Variants in NUDCD2 observed in about 807,000 individuals in gnomAD.
NUDCD2 encodes the protein nudC domain-containing protein 2.
NUDCD2 carries 16 observed loss-of-function variants against 20.8 expected under a neutral mutation model. That is an observed-to-expected ratio of 0.77 (90% confidence interval 0.52 to 1.17). The LOEUF (loss-of-function observed/expected upper bound fraction) is 1.17, where lower values mean the gene tolerates loss of function less well. NUDCD2 is among the 50% of genes most tolerant of loss of function. NUDCD2 has a pLI of 0.00. For missense variants in NUDCD2, 199 were observed against 193.9 expected, an observed-to-expected ratio of 1.03 and a Z score of -0.16; for synonymous variants, 87 against 72.8, an observed-to-expected ratio of 1.20 and a Z score of -1.00.
chr5:163,458,438 A>G lies in NUDCD2; in HGVS notation c.190-828T>C, dbSNP rs555287470. Among the ~76,000 whole-genome samples, 7 of 152,262 alleles carry G rather than the reference A, an allele frequency of 4.6e-5. No individual in the cohort carries two copies. The South Asian group carries it at 1.0e-3, about 23-fold the overall frequency. On this transcript the variant is annotated intron_variant, in intron 1 of 3. Coordinates refer to ENST00000302764, the MANE Select transcript of NUDCD2 (RefSeq NM_145266.6). Reference sequence around the variant, plus strand: ...AAAAAAATAAACAAAATATAAATTTAAAAGAGACTGCACCAGGCCCAGTAG... The same window carrying G: ...AAAAAAATAAACAAAATATAAATTTGAAAGAGACTGCACCAGGCCCAGTAG...
chr5:163,456,600 G>T (rs1410870545), intron 3 of NUDCD2, among the ~76,000 whole-genome samples: 2 of 152,140 alleles, frequency 1.3e-5, no homozygotes, highest in African/African-American at 4.8e-5. Flanking sequence ...GGAATGGGGA[G>T]AATGGTGGTG....
rs1161156099 is a variant in NUDCD2, at chr5:163,453,871, T to G, written c.*96A>C. ...AAGATACATTTTGCAATCTGTTAAC[T>G]GTAGGCATCCGCATTTTTCTTCCAT... On this transcript the variant is annotated 3_prime_UTR_variant, in exon 4 of 4. Coordinates refer to ENST00000302764, the MANE Select transcript of NUDCD2 (RefSeq NM_145266.6). 7.2e-6 allele frequency: 4 copies of G among 559,238 alleles called. No homozygotes were observed. 34.6% of individuals were successfully genotyped at this position (559,238 alleles called of 1,614,324 possible).
chr5:163,458,420 TAAAC>T (rs2113430528), intron 1 of NUDCD2, among the ~76,000 whole-genome samples: 1 of 152,130 alleles, frequency 6.6e-6, no homozygotes, highest in East Asian at 1.9e-4. Context: ...TTTAAAAAAA[TAAAC>T]AAAATATAAA....
chr5:163,454,909 T>C (rs1291936802), intron 3 of NUDCD2, among the ~76,000 whole-genome samples: 1 of 152,164 alleles, frequency 6.6e-6, no homozygotes, highest in East Asian at 1.9e-4. Flanking sequence ...AGACAAACCA[T>C]AAATCAACCA....
rs993427954 is a variant in NUDCD2, at chr5:163,447,839, C to T, written c.*6128G>A. The T allele has an allele frequency of 5.3e-5, 8 of 152,160 alleles. No individual in the cohort carries two copies. The highest frequency in any genetic ancestry group is 1.2e-4 in the Non-Finnish European group (8 of 68,020). 9.4% of individuals were successfully genotyped at this position (152,160 alleles called of 1,614,324 possible). Reference sequence around the variant, plus strand: ...TTAAACAACACATTTCTAAATAACTCATGATACTACAGGGAAGTCTTAAAA... The same window carrying T: ...TTAAACAACACATTTCTAAATAACTTATGATACTACAGGGAAGTCTTAAAA... On this transcript the variant is annotated 3_prime_UTR_variant, in exon 4 of 4. Transcript: ENST00000302764.
rs1758134728 is a variant in NUDCD2, at chr5:163,449,872, C to T, written c.*4095G>A. 6.6e-6 allele frequency: 1 copy of T among 152,046 alleles called. No individual in the cohort carries two copies. Among genetic ancestry groups the T allele is most frequent in the African/African-American group, 2.4e-5 (1 of 41,384 alleles). The allele number at this position is 152,046 out of a possible 1,614,324, so 9.4% of individuals were successfully genotyped here. ...AACATCCATATGCAAAAAAATAAACCTACCTAAATTTCACAGCTTATACAA... is the reference window on the plus strand; with the variant it reads ...AACATCCATATGCAAAAAAATAAACTTACCTAAATTTCACAGCTTATACAA... On this transcript the variant is annotated 3_prime_UTR_variant, in exon 4 of 4. Transcript: ENST00000302764.
chr5:163,457,411 C>G (rs530662792), intron 2 of NUDCD2, 151 bp downstream of exon 2: 19 of 602,496 alleles, frequency 3.2e-5, no homozygotes, highest in Non-Finnish European at 4.2e-5. Flanking sequence ...TTTCTCCCCC[C>G]ACTAGGTAAC....
intron 3 of NUDCD2, 92 bp from the exon 4 acceptor site, chr5:163,454,142 G>T: frequency 1.8e-6 from 1 of 561,478 alleles, no homozygotes; most frequent in South Asian, 3.3e-5. Flanking sequence ...ATATATAAAT[G>T]ACCAATAAAT....
chr5:163,454,140 A>G (rs2113414036), intron 3 of NUDCD2, 90 bp from the exon 4 acceptor site: 1 of 571,876 alleles, frequency 1.7e-6, no homozygotes, highest in East Asian at 3.2e-5. Flanking sequence ...GGATATATAA[A>G]TGACCAATAA....
rs568103843 is a variant in NUDCD2, at chr5:163,450,278, A to G, written c.*3689T>C. 4.6e-5 allele frequency: 7 copies of G among 152,252 alleles called. No homozygotes were observed. The highest frequency in any genetic ancestry group is 1.4e-4 in the African/African-American group (6 of 41,548). 9.4% of individuals were successfully genotyped at this position (152,252 alleles called of 1,614,324 possible). A position where few individuals can be genotyped will look rare whatever the true frequency, so the allele number is the denominator to read the frequency against. On this transcript the variant is annotated 3_prime_UTR_variant, in exon 4 of 4. Transcript: ENST00000302764. The stretch of plus-strand genomic sequence containing the variant: ...TGTGAGTCAAAAAAAGAAAAAAGAA[A>G]AATTCCTCATGACCTGGGGTTAAGG...
At chr5:163,459,596 G>C (rs558079858) in intron 1 of NUDCD2, 2 of 298,510 alleles carry the variant, frequency 6.7e-6, no homozygotes, top group African/African-American at 4.4e-5. Context: ...TAGTTAATCT[G>C]TTCCCAGCTG....
In NUDCD2 at chr5:163,454,030, A is replaced by T; in HGVS notation, c.411T>A (p.Ser137Arg). The change falls in exon 4 of 4, where the codon AGT (serine) becomes AGA (arginine). Residue 137 changes from serine (S) to arginine (R), a missense_variant. Coordinates refer to ENST00000302764, the MANE Select transcript of NUDCD2 (RefSeq NM_145266.6). The stretch of plus-strand genomic sequence containing the variant: ...TGTAGTTTCCTGAGATTTCTGCTCC[A>T]CTGAAGTCAAAACCAGGATTCTAAA... ...FQKENPGFDF[S>R]GAEISGNYTK... 1 of 1,555,058 alleles carries T rather than the reference A, an allele frequency of 6.4e-7. No homozygotes were observed. The highest frequency in any genetic ancestry group is 8.7e-7 in the Non-Finnish European group (1 of 1,145,616).
chr5:163,452,075 T>C lies in NUDCD2; in HGVS notation c.*1892A>G, dbSNP rs1758192074. Reference sequence around the variant, plus strand: ...CCTTAAAAAAAAAAAACCCCACAAATAATCAAATAGGAATCAGGTTTCTCA... The same window carrying C: ...CCTTAAAAAAAAAAAACCCCACAAACAATCAAATAGGAATCAGGTTTCTCA... On this transcript the variant is annotated 3_prime_UTR_variant, in exon 4 of 4. Coordinates refer to ENST00000302764, the MANE Select transcript of NUDCD2 (RefSeq NM_145266.6). 6.7e-6 allele frequency: 1 copy of C among 149,866 alleles called. No individual in the cohort carries two copies. The highest frequency in any genetic ancestry group is 1.5e-5 in the Non-Finnish European group (1 of 67,442). The allele number at this position is 149,866 out of a possible 1,614,324, so 9.3% of individuals were successfully genotyped here.
rs765424670 is a variant in NUDCD2 at position 163,460,099 on chromosome 5, G to A, written c.-49C>T. The A allele has an allele frequency of 6.7e-7, 1 of 1,485,604 alleles. No homozygotes were observed. 92.0% of individuals were successfully genotyped at this position (1,485,604 alleles called of 1,614,324 possible). Reference sequence around the variant, plus strand: ...CCGCACCAGGCGGAGCCGAGCGCACGCGCGGAATCCCACGCTTAGGCTACG... The same window carrying A: ...CCGCACCAGGCGGAGCCGAGCGCACACGCGGAATCCCACGCTTAGGCTACG... On this transcript the variant is annotated 5_prime_UTR_variant, in exon 1 of 4. Transcript: ENST00000302764.
rs761636594 is a variant in NUDCD2 at position 163,457,568 on chromosome 5, T to TC, written c.231dup (p.Thr78AspfsTer30). On this transcript the variant is annotated frameshift_variant, in exon 2 of 4. Transcript: ENST00000302764. LOFTEE classifies it high-confidence loss of function. ...TTATAGTAATTACCCTTACCCAAAGTCCATGTTCCCTCATCAGCTATTGTA... is the reference window on the plus strand; with the variant it reads ...TTATAGTAATTACCCTTACCCAAAGTCCCATGTTCCCTCATCAGCTATTGTA... 4.5e-6 allele frequency: 7 copies of TC among 1,570,510 alleles called. No homozygotes were observed. The East Asian group carries it at 1.6e-4, about 35-fold the overall frequency.
Position 163,457,010 on chromosome 5 carries a change from T to A in NUDCD2, c.309A>T (p.Leu103=), listed in dbSNP as rs369487816. The A allele has an allele frequency of 6.2e-7, 1 of 1,613,536 alleles. No individual in the cohort carries two copies. The highest frequency in any genetic ancestry group is 1.3e-5 in the African/African-American group (1 of 74,886). Residue 103 remains leucine (L), a synonymous_variant, in exon 3 of 4, where the codon CTA becomes CTT. Coordinates refer to ENST00000302764, the MANE Select transcript of NUDCD2 (RefSeq NM_145266.6). The stretch of plus-strand genomic sequence containing the variant: ...GATCCGCTGCATATTCAGATTCTAG[T>A]AGAGAAGTCCAACAATTTGCTGCAT... ...KRDAANCWTS[L]LESEYAADPW...
chr5:163,449,036 A>G lies in NUDCD2; in HGVS notation c.*4931T>C, dbSNP rs905429070. 3 of 152,186 alleles carry G rather than the reference A, an allele frequency of 2.0e-5. No homozygotes were observed. The highest frequency in any genetic ancestry group is 7.2e-5 in the African/African-American group (3 of 41,428). The allele number at this position is 152,186 out of a possible 1,614,324, so 9.4% of individuals were successfully genotyped here. A position where few individuals can be genotyped will look rare whatever the true frequency, so the allele number is the denominator to read the frequency against. ...TGCTTTCAAAATCCTAAGATCCAGA[A>G]CAAGACTGAGATGGCCACTTTCTCC... On this transcript the variant is annotated 3_prime_UTR_variant, in exon 4 of 4. Coordinates refer to ENST00000302764, the MANE Select transcript of NUDCD2 (RefSeq NM_145266.6).
chr5:163,456,962 C>T lies in NUDCD2; in HGVS notation c.357G>A (p.Gln119=), dbSNP rs1174106164. Residue 119 remains glutamine (Q), a synonymous_variant, in exon 3 of 4, where the codon CAG becomes CAA. Transcript: ENST00000302764. ...GGAATCTCTCTAATGTAAGCTTTCT[C>T]TGCATTTGGTCTTGCACCCAAGGAT... ...AADPWVQDQM[Q]RKLTLERFQK... 6.2e-7 allele frequency: 1 copy of T among 1,611,348 alleles called. No homozygotes were observed. The highest frequency in any genetic ancestry group is 1.3e-5 in the African/African-American group (1 of 74,744).
intron 1 of NUDCD2, 70 bp downstream of exon 1, chr5:163,459,792 T>C: frequency 7.2e-7 from 1 of 1,385,118 alleles, no homozygotes; most frequent in South Asian, 1.3e-5. Flanking sequence ...CACCCAACAG[T>C]CGTTCAGGGA....
Sources: gnomAD v4.1 joint callset for allele counts (sites outside exome capture counted in the v4.1 genomes callset) on GRCh38, gnomAD v4.1.1 for gene constraint, MANE v1.5 for transcripts, NCBI Gene and HGNC (gene_info 2026-07-23, HGNC 2026-07-21) for gene names.